PRDX6: variants seen among roughly 807,000 people sequenced by gnomAD.
The protein encoded by PRDX6 is peroxiredoxin 6.
PRDX6 carries 13 observed loss-of-function variants against 20.0 expected under a neutral mutation model. The observed-to-expected ratio is 0.65, with a 90% CI of 0.42 to 1.03. The LOEUF is 1.03. Among genes scored for constraint, PRDX6 ranks in the 50% least tolerant of loss-of-function variants. PRDX6 has a pLI of 0.00. For missense variants in PRDX6, 203 were observed against 276.9 expected, an observed-to-expected ratio of 0.73 and a Z score of 1.89; for synonymous variants, 85 against 100.8, an observed-to-expected ratio of 0.84 and a Z score of 0.94.
rs780689886 is a variant in PRDX6, at chr1:173,477,485, G to A, written c.88G>A (p.Gly30Arg). 11 of 1,602,646 alleles carry A rather than the reference G, an allele frequency of 6.9e-6. No homozygotes were observed. In the African/African-American group the frequency reaches 1.4e-4, roughly 20 times the overall value. ...CCGCATCCGTTTCCACGACTTTCTGGGAGACTCGTAAGTGGCCACCGCGTA... is the reference window on the plus strand; with the variant it reads ...CCGCATCCGTTTCCACGACTTTCTGAGAGACTCGTAAGTGGCCACCGCGTA... Reference protein sequence around the residue: ...VGRIRFHDFLGDSWGILFSHP... With the variant: ...VGRIRFHDFLRDSWGILFSHP... The change falls in exon 1 of 5, where the codon GGA becomes AGA. Residue 30 changes from glycine to arginine, a missense_variant. Gly to Arg is a moderately radical substitution (Grantham distance 125, BLOSUM62 -2). Transcript: ENST00000340385.
chr1:173,485,661 T>G (rs1267327634), intron 3 of PRDX6, among the ~76,000 whole-genome samples, 154 bp downstream of exon 3: 3 of 152,230 alleles, frequency 2.0e-5, no homozygotes, highest in Admixed American at 6.5e-5. Flanking sequence ...GTAATGCTGA[T>G]GCAATTTTCA....
chr1:173,484,013 G>A (rs918024016), intron 2 of PRDX6, among the ~76,000 whole-genome samples: 21 of 150,264 alleles, frequency 1.4e-4, no homozygotes, highest in African/African-American at 4.9e-4. Context: ...CTGAGGCAGA[G>A]AATTGCTTGA....
intron 2 of PRDX6, among the ~76,000 whole-genome samples, chr1:173,482,763 A>T (rs1658825786): frequency 6.6e-6 from 1 of 152,234 alleles, no homozygotes; most frequent in Non-Finnish European, 1.5e-5. Flanking sequence ...TAGAAGAATC[A>T]TGTGTAGGAG....
rs186573201 is a variant in PRDX6 at position 173,486,031 on chromosome 1, A to G, written c.400-224A>G. ...GCATATCAGTTTTTCTTACTGGGAA[A>G]GCCAGAACCAAATAGAATTCCCTTC... is the stretch of plus-strand genomic sequence containing the variant. On this transcript the variant is annotated intron_variant, in intron 3 of 4. Coordinates refer to ENST00000340385, the MANE Select transcript of PRDX6 (RefSeq NM_004905.3). 2.7e-3 allele frequency among the ~76,000 whole-genome samples: 412 copies of G among 152,336 alleles called. 1 individual carries two copies. The highest frequency in any genetic ancestry group is 9.2e-3 in the African/African-American group (381 of 41,574).
At chr1:173,479,162 T>G (rs1227438659) in intron 1 of PRDX6, among the ~76,000 whole-genome samples, 1 of 152,206 alleles carries the variant, frequency 6.6e-6, no homozygotes, top group Non-Finnish European at 1.5e-5. Flanking sequence ...CATACTTTTT[T>G]GGGGTTTTGT....
At chr1:173,483,623 T>C (rs1354463941) in intron 2 of PRDX6, among the ~76,000 whole-genome samples, 1 of 152,202 alleles carries the variant, frequency 6.6e-6, no homozygotes, top group East Asian at 1.9e-4. Context: ...CACATCTCCG[T>C]TGAGAAATCC....
At position 173,484,136 on chromosome 1, in the gene PRDX6, A is replaced by ATT. The variant is rs1557997335; in HGVS notation, c.253-1225_253-1224insTT. ...TGTCTCAAAAAAAAAAAAAAAAAAA[A>ATT]ATTAGATATATATATTTATATATAT... On this transcript the variant is annotated intron_variant, in intron 2 of 4. Coordinates refer to ENST00000340385, the MANE Select transcript of PRDX6 (RefSeq NM_004905.3). 1.0e-4 allele frequency among the ~76,000 whole-genome samples: 12 copies of ATT among 118,272 alleles called. 1 individual carries two copies. In the South Asian group the frequency reaches 1.1e-3, roughly 11 times the overall value. 77.6% of individuals were successfully genotyped at this position (118,272 alleles called of 152,430 possible).
In PRDX6 at chr1:173,478,458, T is replaced by C. The variant is rs935503940; in HGVS notation, c.95+966T>C. Among the ~76,000 whole-genome samples the C allele has an allele frequency of 3.9e-5, 6 of 152,146 alleles. No homozygotes were observed. In the East Asian group the frequency reaches 1.2e-3, roughly 29 times the overall value. On this transcript the variant is annotated intron_variant, in intron 1 of 4. Transcript: ENST00000340385. ...GCTGATGATAGCCAAATTGATGACCTGTGATCTGACTTGGCAGTTTTACCA... is the reference window on the plus strand; with the variant it reads ...GCTGATGATAGCCAAATTGATGACCCGTGATCTGACTTGGCAGTTTTACCA...
intron 2 of PRDX6, 137 bp downstream of exon 2, chr1:173,481,619 A>G: frequency 1.1e-6 from 1 of 898,376 alleles, no homozygotes; most frequent in Non-Finnish European, 1.7e-6. Flanking sequence ...TTTCAGTTGA[A>G]CCACACAGTG....
In PRDX6 at chr1:173,488,531, A is replaced by G. The variant is rs1658941009; in HGVS notation, c.*668A>G. On this transcript the variant is annotated 3_prime_UTR_variant, in exon 5 of 5. Transcript: ENST00000340385. ...ATATTTTGCTATAAAAAAATTTGTG[A>G]TAAGTTTCTATCAAAATGGGGAGAT... 1 of 152,210 alleles carries G rather than the reference A, an allele frequency of 6.6e-6. No individual in the cohort carries two copies. The highest frequency in any genetic ancestry group is 1.5e-5 in the Non-Finnish European group (1 of 68,042). 9.4% of individuals were successfully genotyped at this position (152,210 alleles called of 1,614,324 possible). A position where few individuals can be genotyped will look rare whatever the true frequency, so the allele number is the denominator to read the frequency against.
rs1456164442 is a variant in PRDX6, at chr1:173,488,726, A to T, written c.*863A>T. ...AGAGAATGATTGAAAATGTTTTAGT[A>T]TAGAACTCTTCTTGCAGTGGGTTGC... On this transcript the variant is annotated 3_prime_UTR_variant, in exon 5 of 5. Coordinates refer to ENST00000340385, the MANE Select transcript of PRDX6 (RefSeq NM_004905.3). 1 of 152,228 alleles carries T rather than the reference A, an allele frequency of 6.6e-6. No individual in the cohort carries two copies. Among genetic ancestry groups the T allele is most frequent in the Non-Finnish European group, 1.5e-5 (1 of 68,040 alleles). 9.4% of individuals were successfully genotyped at this position (152,228 alleles called of 1,614,324 possible).
intron 2 of PRDX6, among the ~76,000 whole-genome samples, chr1:173,484,177 T>TACACAC (rs113530287): frequency 2.9e-5 from 3 of 103,932 alleles, no homozygotes; most frequent in African/African-American, 9.4e-5. Context: ...TTTATATATA[T>TACACAC]ACACACACAC....
chr1:173,481,280 G>A, intron 1 of PRDX6, 46 bp from the exon 2 acceptor site: 1 of 1,549,092 alleles, frequency 6.5e-7, no homozygotes, highest in Non-Finnish European at 8.9e-7. Flanking sequence ...TGTGATGTTG[G>A]TGATAACTCT....
chr1:173,485,322 G>A lies in PRDX6; in HGVS notation c.253-39G>A, dbSNP rs563582808. The A allele has an allele frequency of 1.4e-5, 21 of 1,507,256 alleles. No homozygotes were observed. In the South Asian group the frequency reaches 2.3e-4, roughly 17 times the overall value. The allele number at this position is 1,507,256 out of a possible 1,614,324, so 93.4% of individuals were successfully genotyped here. A position where few individuals can be genotyped will look rare whatever the true frequency, so the allele number is the denominator to read the frequency against. On this transcript the variant is annotated intron_variant, in intron 2 of 4. Coordinates refer to ENST00000340385, the MANE Select transcript of PRDX6 (RefSeq NM_004905.3). ...ACTGATGAAATTCAGAGCATGTGTT[G>A]GGTTTAGATTCCTCTTTCCCCTTTT...
intron 4 of PRDX6, among the ~76,000 whole-genome samples, 187 bp downstream of exon 4, chr1:173,486,588 C>T (rs1658903244): frequency 6.6e-6 from 1 of 152,108 alleles, no homozygotes; most frequent in African/African-American, 2.4e-5. Context: ...TTATACACAA[C>T]ACAAACTCCC....
intron 3 of PRDX6, 56 bp from the exon 4 acceptor site, chr1:173,486,199 T>A (rs761874241): frequency 1.2e-4 from 169 of 1,441,440 alleles, no homozygotes; most frequent in Non-Finnish European, 1.5e-4. Flanking sequence ...GCTTTCTAAG[T>A]GGCTTTAATA....
chr1:173,484,138 T>TTTTA (rs1553242244), intron 2 of PRDX6, among the ~76,000 whole-genome samples: 4 of 86,930 alleles, frequency 4.6e-5, no homozygotes, highest in African/African-American at 2.1e-4. Context: ...AAAAAAAAAA[T>TTTTA]TAGATATATA....
At chr1:173,485,833 A>C (rs948215833) in intron 3 of PRDX6, among the ~76,000 whole-genome samples, 2 of 152,174 alleles carry the variant, frequency 1.3e-5, no homozygotes, top group Non-Finnish European at 2.9e-5. Flanking sequence ...CCTTCTTCAT[A>C]AGGCAGCTCT....
At chr1:173,483,443 C>T (rs986337465) in intron 2 of PRDX6, among the ~76,000 whole-genome samples, 13 of 152,024 alleles carry the variant, frequency 8.6e-5, no homozygotes, top group Middle Eastern at 3.2e-3. Flanking sequence ...TGTTATCATC[C>T]GGGAGCCTGA....
Sources: gnomAD v4.1 joint callset for allele counts (sites outside exome capture counted in the v4.1 genomes callset) on GRCh38, gnomAD v4.1.1 for gene constraint, MANE v1.5 for transcripts, NCBI Gene and HGNC (gene_info 2026-07-23, HGNC 2026-07-21) for gene names.